Variants in ARHGAP31 observed in about 807,000 individuals in gnomAD.
ARHGAP31 encodes the protein Rho GTPase activating protein 31, also known as rho GTPase-activating protein 31.
A neutral mutation model predicts 113.9 loss-of-function variants in ARHGAP31; 34 were observed. The observed-to-expected ratio is 0.30, with a 90% CI of 0.23 to 0.40. The LOEUF is 0.40. ARHGAP31 is among the 10% of genes least tolerant of loss of function. The probability of loss-of-function intolerance (pLI) is 1.00; values close to 1 mark genes in which losing one functional copy is unlikely to be tolerated. For missense variants in ARHGAP31, 1,548 were observed against 1,767.1 expected, an observed-to-expected ratio of 0.88 and a Z score of 2.22; for synonymous variants, 650 against 684.8, an observed-to-expected ratio of 0.95 and a Z score of 0.79.
intron 3 of ARHGAP31, among the ~76,000 whole-genome samples, chr3:119,375,783 A>G (rs1330276914): frequency 6.6e-6 from 1 of 152,098 alleles, no homozygotes; most frequent in Non-Finnish European, 1.5e-5. Context: ...TTCTTTTTTT[A>G]ATTAAACTTG....
rs568424743 is a variant in ARHGAP31 at position 119,395,667 on chromosome 3, C to T, written c.1006+2076C>T. On this transcript the variant is annotated intron_variant, in intron 8 of 11. Coordinates refer to ENST00000264245, the MANE Select transcript of ARHGAP31 (RefSeq NM_020754.4). ...GTATCCTTCACTGAGCCACATGGTT[C>T]GGTCCCTGTTGTCAATGGTGTGCCT... 5.3e-5 allele frequency among the ~76,000 whole-genome samples: 8 copies of T among 152,296 alleles called. 1 individual carries two copies. Among genetic ancestry groups the T allele is most frequent in the Admixed American group, 2.6e-4 (4 of 15,296 alleles).
In ARHGAP31 at chr3:119,325,223, G is replaced by A. The variant is rs192090350; in HGVS notation, c.100+30219G>A. Among the ~76,000 whole-genome samples the A allele has an allele frequency of 3.9e-5, 6 of 152,224 alleles. No individual in the cohort carries two copies. In the East Asian group the frequency reaches 9.7e-4, roughly 24 times the overall value. ...TTTTTGGATGCTAAGATAAAATTTTGCTTAAAATTCTTACTTAGTTGTGTG... is the reference window on the plus strand; with the variant it reads ...TTTTTGGATGCTAAGATAAAATTTTACTTAAAATTCTTACTTAGTTGTGTG... On this transcript the variant is annotated intron_variant, in intron 1 of 11. Coordinates refer to ENST00000264245, the MANE Select transcript of ARHGAP31 (RefSeq NM_020754.4).
Position 119,383,103 on chromosome 3 carries a change from A to G in ARHGAP31, c.559A>G (p.Thr187Ala), listed in dbSNP as rs199650901. 3 of 1,614,228 alleles carry G rather than the reference A, an allele frequency of 1.9e-6. No homozygotes were observed. Among genetic ancestry groups the G allele is most frequent in the Admixed American group, 3.3e-5 (2 of 60,032 alleles). Reference protein sequence around the residue: ...NLLRSKEIEATGCNGDAAFLA... With the variant: ...NLLRSKEIEAAGCNGDAAFLA... Reference sequence around the variant, plus strand: ...CGGTAGGTCTAAAGAAATTGAAGCCACTGGTTGCAATGGAGATGCAGCCTT... The same window carrying G: ...CGGTAGGTCTAAAGAAATTGAAGCCGCTGGTTGCAATGGAGATGCAGCCTT... The change falls in exon 6 of 12, where the codon ACT (threonine) becomes GCT (alanine). Residue 187 changes from threonine (T) to alanine (A), a missense_variant. Physicochemically the swap from Thr to Ala is moderately conservative, Grantham distance 58. Transcript: ENST00000264245.
chr3:119,317,906 T>C (rs1361265619), intron 1 of ARHGAP31, among the ~76,000 whole-genome samples: 1 of 152,130 alleles, frequency 6.6e-6, no homozygotes, highest in Non-Finnish European at 1.5e-5. Context: ...AAAAGAGATA[T>C]TGTGAGGACC....
chr3:119,416,274 A>G lies in ARHGAP31; in HGVS notation c.*10A>G. The G allele has an allele frequency of 1.9e-6, 3 of 1,612,888 alleles. No individual in the cohort carries two copies. The highest frequency in any genetic ancestry group is 2.5e-6 in the Non-Finnish European group (3 of 1,180,028). ...GAGGCAAATAGAATGATTTCGGTTC[A>G]CCTGCTGGTGTCTGAAAAAAACCGT... On this transcript the variant is annotated 3_prime_UTR_variant, in exon 12 of 12. Coordinates refer to ENST00000264245, the MANE Select transcript of ARHGAP31 (RefSeq NM_020754.4).
intron 3 of ARHGAP31, among the ~76,000 whole-genome samples, chr3:119,373,952 T>C (rs2080325096): frequency 6.6e-6 from 1 of 152,240 alleles, no homozygotes; most frequent in Non-Finnish European, 1.5e-5. Flanking sequence ...AGTATGTCCA[T>C]TGCAATATTA....
chr3:119,299,938 C>T (rs2079565851), intron 1 of ARHGAP31, among the ~76,000 whole-genome samples: 1 of 152,190 alleles, frequency 6.6e-6, no homozygotes, highest in Non-Finnish European at 1.5e-5. Context: ...GCTTCCTTTC[C>T]AGCAGCTTGC....
At chr3:119,344,161 A>G (rs2080034476) in intron 1 of ARHGAP31, among the ~76,000 whole-genome samples, 1 of 152,272 alleles carries the variant, frequency 6.6e-6, no homozygotes, top group Admixed American at 6.5e-5. Flanking sequence ...TCATGTTTTA[A>G]TCTATGTCCC....
At chr3:119,299,451 G>C (rs948206288) in intron 1 of ARHGAP31, among the ~76,000 whole-genome samples, 1 of 152,022 alleles carries the variant, frequency 6.6e-6, no homozygotes, top group Admixed American at 6.6e-5. Context: ...TTGATTTGAG[G>C]CATGACAGAG....
intron 11 of ARHGAP31, among the ~76,000 whole-genome samples, chr3:119,411,699 C>T (rs1424976275): frequency 2.0e-5 from 3 of 152,120 alleles, no homozygotes; most frequent in African/African-American, 7.2e-5. Flanking sequence ...TAGAAATGTT[C>T]ACAAATAAAT....
intron 1 of ARHGAP31, among the ~76,000 whole-genome samples, chr3:119,348,246 A>T (rs752225972): frequency 4.6e-5 from 7 of 152,248 alleles, no homozygotes; most frequent in Non-Finnish European, 8.8e-5. Context: ...ATATACATAT[A>T]TTTACATTAC....
intron 1 of ARHGAP31, among the ~76,000 whole-genome samples, chr3:119,337,417 G>C (rs1038167825): frequency 8.6e-5 from 13 of 151,884 alleles, no homozygotes; most frequent in Admixed American, 3.9e-4. Flanking sequence ...GAGTGTTACA[G>C]CTCATAAAGG....
chr3:119,317,779 G>A (rs1004632364), intron 1 of ARHGAP31, among the ~76,000 whole-genome samples: 77 of 152,168 alleles, frequency 5.1e-4, no homozygotes, highest in Non-Finnish European at 1.8e-4. Context: ...AATTTCTGAA[G>A]TAGTTGACTA....
chr3:119,363,457 C>A (rs1229391884), intron 1 of ARHGAP31, among the ~76,000 whole-genome samples: 1 of 152,176 alleles, frequency 6.6e-6, no homozygotes, highest in Non-Finnish European at 1.5e-5. Flanking sequence ...TCTATGGTCT[C>A]TGGCCTCAAT....
intron 7 of ARHGAP31, among the ~76,000 whole-genome samples, chr3:119,392,824 C>T (rs1002416191): frequency 2.0e-5 from 3 of 152,250 alleles, no homozygotes; most frequent in Non-Finnish European, 4.4e-5. Context: ...TCTCATCCAA[C>T]CCTTTTCAGT....
intron 1 of ARHGAP31, among the ~76,000 whole-genome samples, chr3:119,348,379 G>A (rs768970422): frequency 7.2e-5 from 11 of 152,132 alleles, no homozygotes; most frequent in South Asian, 2.1e-4. Context: ...ACCGGTCCCC[G>A]GTGCCAAAAA....
chr3:119,333,530 A>G (rs2079915429), intron 1 of ARHGAP31, among the ~76,000 whole-genome samples: 2 of 152,308 alleles, frequency 1.3e-5, no homozygotes, highest in Admixed American at 1.3e-4. Flanking sequence ...ATAAATGTTT[A>G]TTTTAGAAAG....
Position 119,415,101 on chromosome 3 carries a change from A to T in ARHGAP31, c.3172A>T (p.Arg1058Trp). 6.2e-7 allele frequency: 1 copy of T among 1,614,230 alleles called. No homozygotes were observed. Among genetic ancestry groups the T allele is most frequent in the Middle Eastern group, 1.6e-4 (1 of 6,062 alleles). The stretch of plus-strand genomic sequence containing the variant: ...CCTGGGGCACAGCAGTCCACAGATT[A>T]GGCAAGGTGGTGTTCCTGGGCCAGA... ...THLGHSSPQI[R>W]QGGVPGPESS... The change falls in exon 12 of 12, where the codon AGG (arginine) becomes TGG (tryptophan). Residue 1058 changes from arginine (R) to tryptophan (W), a missense_variant. Arg to Trp is a moderately radical substitution (Grantham distance 101, BLOSUM62 -3). Transcript: ENST00000264245.
Position 119,415,213 on chromosome 3 carries a change from G to C in ARHGAP31, c.3284G>C (p.Cys1095Ser). The change falls in exon 12 of 12, where the codon TGT (cysteine) becomes TCT (serine). Residue 1095 changes from cysteine (C) to serine (S), a missense_variant. Coordinates refer to ENST00000264245, the MANE Select transcript of ARHGAP31 (RefSeq NM_020754.4). ...AAGTTACAGCTAAAGAGCACAGAGT[G>C]TGGGCCCCCAAAAGGGAAAAACAGG... ...PAKLQLKSTE[C>S]GPPKGKNRPS... is the part of the protein sequence containing the mutation. 4 of 1,614,214 alleles carry C rather than the reference G, an allele frequency of 2.5e-6. 1 individual carries two copies. The South Asian group carries it at 4.4e-5, about 18-fold the overall frequency.
Sources: gnomAD v4.1 joint callset for allele counts (sites outside exome capture counted in the v4.1 genomes callset) on GRCh38, gnomAD v4.1.1 for gene constraint, MANE v1.5 for transcripts, NCBI Gene and HGNC (gene_info 2026-07-23, HGNC 2026-07-21) for gene names.